Variants in TPRG1 observed in about 807,000 individuals in gnomAD.
The protein encoded by TPRG1 is tumor protein p63-regulated gene 1 protein.
A neutral mutation model predicts 29.3 loss-of-function variants in TPRG1; 29 were observed. The observed-to-expected ratio is 0.99, with a 90% CI of 0.74 to 1.35. The LOEUF is 1.35. Ranked by LOEUF, TPRG1 falls within the 40% of genes most tolerant of loss-of-function variation. The pLI, the probability that TPRG1 is intolerant of heterozygous loss-of-function variation, is 0.00. For synonymous variants in TPRG1, 130 were observed against 116.8 expected (o/e 1.11, Z -0.73); for missense variants, 327 against 335.0 (o/e 0.98, Z 0.19).
intron 3 of TPRG1, among the ~76,000 whole-genome samples, chr3:189,229,707 A>G (rs1002078236): frequency 6.6e-6 from 1 of 152,210 alleles, no homozygotes; most frequent in Non-Finnish European, 1.5e-5. Context: ...CACTCTTGAG[A>G]GAGTAGCTTT....
At chr3:189,074,313 T>C (rs1254615866) in intron 4 of TPRG1, among the ~76,000 whole-genome samples, 3 of 151,218 alleles carry the variant, frequency 2.0e-5, no homozygotes, top group Non-Finnish European at 4.4e-5. Context: ...TCGCGCCATT[T>C]TCCTGCCTCA....
Position 189,132,089 on chromosome 3 carries a change from T to G in TPRG1, c.-589-310T>G, listed in dbSNP as rs188048495. ...AGTGCACGACTCCCTGATTCTGAAC[T>G]TCTGGGAAAAGGACAAATTCCAAAG... On this transcript the variant is annotated intron_variant, in intron 2 of 6. Transcript: ENST00000412373. Among the ~76,000 whole-genome samples the G allele has an allele frequency of 1.4e-4, 22 of 152,318 alleles. No individual in the cohort carries two copies. In the East Asian group the frequency reaches 4.3e-3, roughly 29 times the overall value.
intron 4 of TPRG1, among the ~76,000 whole-genome samples, chr3:189,058,633 T>C (rs1201022761): frequency 2.0e-5 from 3 of 152,208 alleles, no homozygotes; most frequent in African/African-American, 7.2e-5. Flanking sequence ...GTATGCATCA[T>C]GAAATTGTTT....
At chr3:189,236,186 T>C (rs960171763) in intron 3 of TPRG1, among the ~76,000 whole-genome samples, 2 of 152,202 alleles carry the variant, frequency 1.3e-5, no homozygotes, top group African/African-American at 4.8e-5. Context: ...ATGTAAATTA[T>C]GCAGAGTTTG....
intron 4 of TPRG1, among the ~76,000 whole-genome samples, chr3:189,269,091 G>T (rs948763412): frequency 1.2e-4 from 18 of 144,606 alleles, no homozygotes; most frequent in Non-Finnish European, 2.4e-4. Context: ...ACATCCTGAG[G>T]TTTTTTTTTT....
At chr3:189,157,967 A>C (rs1425158721) in intron 5 of TPRG1, among the ~76,000 whole-genome samples, 2 of 152,236 alleles carry the variant, frequency 1.3e-5, no homozygotes, top group Non-Finnish European at 2.9e-5. Context: ...AAGCAAGTGC[A>C]TTTAGCAAGT....
intron 4 of TPRG1, among the ~76,000 whole-genome samples, chr3:189,094,973 G>A (rs73890967): frequency 0.098 from 14,924 of 152,150 alleles, 894 homozygotes; most frequent in African/African-American, 0.17. Context: ...GGCACTCTCC[G>A]TTCTGGGGCA....
intron 3 of TPRG1, among the ~76,000 whole-genome samples, chr3:189,234,563 G>A (rs756742147): frequency 9.2e-5 from 14 of 152,140 alleles, no homozygotes; most frequent in Non-Finnish European, 1.8e-4. Context: ...CAGAAAATAC[G>A]TTATTTTGTG....
intron 2 of TPRG1, among the ~76,000 whole-genome samples, chr3:189,214,212 G>C (rs1735692404): frequency 2.0e-5 from 3 of 152,044 alleles, no homozygotes. Context: ...TCAATAAAAT[G>C]CTTATTTTAG....
intron 4 of TPRG1, among the ~76,000 whole-genome samples, chr3:189,028,512 C>T (rs1713777072): frequency 6.6e-6 from 1 of 152,186 alleles, no homozygotes; most frequent in African/African-American, 2.4e-5. Flanking sequence ...TCTGTCATAT[C>T]TGAGATCTTC....
rs1230948604 is a variant in TPRG1 at position 189,078,124 on chromosome 3, TCTTTCTTTCTTTC to T, written c.-462-48924_-462-48912del. On this transcript the variant is annotated intron_variant, in intron 4 of 10. Transcript: ENST00000433971. ...TTCTTTCTTTCTTTCTTTCTTTCTTTCTTTCTTTCTTTCCTTTCTTTTTTTTTTTTTAGATGAA... is the reference window on the plus strand; with the variant it reads ...TTCTTTCTTTCTTTCTTTCTTTCTTTCTTTCTTTTTTTTTTTTTAGATGAA... Among the ~76,000 whole-genome samples, 575 of 144,152 alleles carry T rather than the reference TCTTTCTTTCTTTC, an allele frequency of 4.0e-3. 10 individuals are homozygous for T. The highest frequency in any genetic ancestry group is 0.013 in the African/African-American group (504 of 38,460). The allele number at this position is 144,152 out of a possible 152,430, so 94.6% of individuals were successfully genotyped here.
chr3:189,080,386 G>C (rs376812125), intron 4 of TPRG1, among the ~76,000 whole-genome samples: 4 of 152,286 alleles, frequency 2.6e-5, no homozygotes, highest in African/African-American at 9.6e-5. Flanking sequence ...AGCCATAGAA[G>C]AGACATAGCC....
chr3:189,012,212 G>A (rs140660823), intron 3 of TPRG1, among the ~76,000 whole-genome samples: 17 of 152,276 alleles, frequency 1.1e-4, no homozygotes, highest in African/African-American at 4.1e-4. Flanking sequence ...TGTTGTGCTG[G>A]TTTTCAAGAA....
At chr3:189,072,310 A>G (rs1386249254) in intron 4 of TPRG1, among the ~76,000 whole-genome samples, 1 of 152,176 alleles carries the variant, frequency 6.6e-6, no homozygotes, top group Admixed American at 6.5e-5. Context: ...AATCCAATCT[A>G]GAGTCATGAA....
chr3:189,201,632 G>T (rs144236266), intron 1 of TPRG1, among the ~76,000 whole-genome samples: 2 of 152,154 alleles, frequency 1.3e-5, no homozygotes, highest in East Asian at 3.9e-4. Context: ...GATCCTTTTT[G>T]TTATACTCAA....
At chr3:189,118,156 G>A (rs192015707) in intron 1 of TPRG1, among the ~76,000 whole-genome samples, 1 of 152,286 alleles carries the variant, frequency 6.6e-6, no homozygotes, top group East Asian at 1.9e-4. Flanking sequence ...GGACAATGAA[G>A]TCTAGGCTGA....
chr3:189,002,900 T>C (rs1460428471), intron 2 of TPRG1, among the ~76,000 whole-genome samples: 2 of 152,134 alleles, frequency 1.3e-5, no homozygotes, highest in East Asian at 3.9e-4. Flanking sequence ...ACATGCTCAA[T>C]GGCCACCCAC....
intron 4 of TPRG1, among the ~76,000 whole-genome samples, chr3:189,296,594 C>T (rs529869493): frequency 6.6e-6 from 1 of 151,974 alleles, no homozygotes; most frequent in South Asian, 2.1e-4. Flanking sequence ...TTTTTATGGC[C>T]ACATACTTTA....
chr3:189,017,232 T>C (rs887496631), intron 3 of TPRG1, among the ~76,000 whole-genome samples: 1 of 151,404 alleles, frequency 6.6e-6, no homozygotes, highest in South Asian at 2.1e-4. Context: ...AATATATATT[T>C]TTTTATATTA....
Sources: allele counts gnomAD v4.1 joint callset (sites outside exome capture counted in the v4.1 genomes callset), GRCh38; gene constraint gnomAD v4.1.1; transcripts MANE v1.5; gene names NCBI Gene and HGNC (gene_info 2026-07-23, HGNC 2026-07-21).